Variants in UGT1A3 observed in about 807,000 individuals in gnomAD.
UGT1A3 encodes the protein UDP glucuronosyltransferase family 1 member A3.
UGT1A3 carries 31 observed loss-of-function variants against 41.0 expected under a neutral mutation model. The ratio of observed to expected loss-of-function variants is 0.76; its 90% CI spans 0.57 to 1.02. The LOEUF is 1.02. Ranked by LOEUF, UGT1A3 falls within the 50% of genes least tolerant of loss-of-function variation. The pLI is 0.00. For missense variants in UGT1A3, 737 were observed against 671.0 expected, an observed-to-expected ratio of 1.10 and a Z score of -1.09; for synonymous variants, 262 against 257.6, an observed-to-expected ratio of 1.02 and a Z score of -0.17.
chr2:233,735,701 C>T (rs2078683713), intron 1 of UGT1A3, among the ~76,000 whole-genome samples: 1 of 151,894 alleles, frequency 6.6e-6, no homozygotes, highest in South Asian at 2.1e-4. Flanking sequence ...GTAAGGCAGG[C>T]CTGGTGGTGA....
intron 1 of UGT1A3, among the ~76,000 whole-genome samples, chr2:233,737,428 G>A (rs188444988): frequency 6.6e-6 from 1 of 152,348 alleles, no homozygotes; most frequent in African/African-American, 2.4e-5. Context: ...CAGTATTTGG[G>A]TGGGAGTGTC....
At chr2:233,740,067 CCTCT>C (rs2125827081) in intron 1 of UGT1A3, among the ~76,000 whole-genome samples, 1 of 151,938 alleles carries the variant, frequency 6.6e-6, no homozygotes, top group South Asian at 2.1e-4. Flanking sequence ...ACAAGCTTTT[CCTCT>C]CTGTCTCTCG....
rs747062491 is a variant in UGT1A3 at position 233,767,878 on chromosome 2, A to T, written c.1029A>T (p.Pro343=). The change falls in exon 3 of 5, where the codon CCA becomes CCT. Residue 343 remains proline, a synonymous_variant. Coordinates refer to ENST00000482026, the MANE Select transcript of UGT1A3 (RefSeq NM_019093.4). ...TGTGGCGGTACACTGGAACCCGACC[A>T]TCGAATCTTGCGAACAACACGATAC... ...TVLWRYTGTR[P]SNLANNTILV... The T allele has an allele frequency of 2.0e-4, 328 of 1,614,032 alleles. No individual in the cohort carries two copies. Among genetic ancestry groups the T allele is most frequent in the Non-Finnish European group, 2.7e-4 (318 of 1,180,042 alleles).
chr2:233,736,836 A>T (rs1170480165), intron 1 of UGT1A3, among the ~76,000 whole-genome samples: 1 of 152,200 alleles, frequency 6.6e-6, no homozygotes, highest in Admixed American at 6.5e-5. Context: ...TTGCTTTGGT[A>T]TCACCAGTGG....
chr2:233,768,137 T>C (rs143830502), intron 3 of UGT1A3, 83 bp from the exon 4 acceptor site: 2 of 1,609,224 alleles, frequency 1.2e-6, no homozygotes, highest in East Asian at 4.5e-5. Context: ...ACTGAGTCTT[T>C]GGAGTGTTTT....
chr2:233,734,656 T>C (rs2078546605), intron 1 of UGT1A3, among the ~76,000 whole-genome samples: 1 of 152,258 alleles, frequency 6.6e-6, no homozygotes, highest in African/African-American at 2.4e-5. Flanking sequence ...GATTTAATGC[T>C]ATAAATTTCC....
At position 233,772,550 on chromosome 2, in the gene UGT1A3, G is replaced by A. The variant is rs762374323; in HGVS notation, c.1596G>A (p.Lys532=). The change falls in exon 5 of 5, where the codon AAG becomes AAA. Residue 532 remains lysine, a synonymous_variant. Transcript: ENST00000482026. ...GAGTTAAGAAAGCCCACAAATCCAA[G>A]ACCCATTGAGAAGTGGGTGGGAAAT... ...KGRVKKAHKS[K]TH 21 of 1,613,880 alleles carry A rather than the reference G, an allele frequency of 1.3e-5. No homozygotes were observed. The highest frequency in any genetic ancestry group is 1.5e-5 in the Non-Finnish European group (18 of 1,179,970).
At position 233,729,782 on chromosome 2, in the gene UGT1A3, C is replaced by A. The variant is rs764191993; in HGVS notation, c.656C>A (p.Ala219Asp). The A allele has an allele frequency of 6.2e-7, 1 of 1,613,938 alleles. No individual in the cohort carries two copies. The highest frequency in any genetic ancestry group is 1.1e-5 in the South Asian group (1 of 91,066). The stretch of plus-strand genomic sequence containing the variant: ...GTCAAGAACATGCTCTACCCTCTGG[C>A]CCTGTCCTACATTTGCCATGCTTTT... Reference protein sequence around the residue: ...QRVKNMLYPLALSYICHAFSA... With the variant: ...QRVKNMLYPLDLSYICHAFSA... Residue 219 changes from alanine to aspartate, a missense_variant, in exon 1 of 5, where the codon GCC becomes GAC. Physicochemically the swap from Ala to Asp is moderately radical, Grantham distance 126. Coordinates refer to ENST00000482026, the MANE Select transcript of UGT1A3 (RefSeq NM_019093.4).
intron 1 of UGT1A3, among the ~76,000 whole-genome samples, chr2:233,737,441 G>A (rs780915851): frequency 1.6e-4 from 24 of 152,174 alleles, no homozygotes; most frequent in Non-Finnish European, 2.1e-4. Flanking sequence ...GGAGTGTCCC[G>A]TTTTTCCAGG....
chr2:233,767,989 T>C lies in UGT1A3; in HGVS notation c.1087+53T>C, dbSNP rs1699539176. The C allele has an allele frequency of 3.1e-6, 5 of 1,614,076 alleles. No homozygotes were observed. In the Admixed American group the frequency reaches 5.0e-5, roughly 16 times the overall value. Reference sequence around the variant, plus strand: ...TCAAACCAGGGTCAAATTAAGAAAATGGCTTAAGCACAGCTATTCTAAAGG... The same window carrying C: ...TCAAACCAGGGTCAAATTAAGAAAACGGCTTAAGCACAGCTATTCTAAAGG... On this transcript the variant is annotated intron_variant, in intron 3 of 4. Coordinates refer to ENST00000482026, the MANE Select transcript of UGT1A3 (RefSeq NM_019093.4).
Position 233,757,136 on chromosome 2 carries a change from G to A in UGT1A3, c.868-9898G>A, listed in dbSNP as rs10929302. Among the ~76,000 whole-genome samples, 45,076 of 150,450 alleles carry A rather than the reference G, an allele frequency of 0.3. 6,849 individuals carry two copies. The highest frequency in any genetic ancestry group is 0.39 in the South Asian group (1,811 of 4,692). ...AGGGCTAGAGAGGAGGAATGAGCTT[G>A]GACAGGTGGGCTGGGGTCTATCCCA... On this transcript the variant is annotated intron_variant, in intron 1 of 4. Transcript: ENST00000482026.
rs1392909464 is a variant in UGT1A3 at position 233,754,916 on chromosome 2, C to T, written c.868-12118C>T. 5.9e-6 allele frequency: 8 copies of T among 1,353,400 alleles called. No homozygotes were observed. The Admixed American group carries it at 9.5e-5, about 16-fold the overall frequency. The allele number at this position is 1,353,400 out of a possible 1,614,324, so 83.8% of individuals were successfully genotyped here. On this transcript the variant is annotated intron_variant, in intron 1 of 4. Coordinates refer to ENST00000482026, the MANE Select transcript of UGT1A3 (RefSeq NM_019093.4). ...TCTGACCCCCCAAAATATTCTCCAG[C>T]GGGTTTCCCAAGAGGTCAAAGGAGA...
intron 3 of UGT1A3, 44 bp from the exon 4 acceptor site, chr2:233,768,176 C>A: frequency 6.2e-7 from 1 of 1,613,910 alleles, no homozygotes; most frequent in South Asian, 1.1e-5. Context: ...AGCTGTGAAA[C>A]TCAGAGATGT....
In UGT1A3 at chr2:233,760,686, C is replaced by G. The variant is rs1553620770; in HGVS notation, c.868-6348C>G. ...CTGGCTGTTCCCACTTACTGCACAACAAGGAGCTCATGGCCTCCCTGGCAG... is the reference window on the plus strand; with the variant it reads ...CTGGCTGTTCCCACTTACTGCACAAGAAGGAGCTCATGGCCTCCCTGGCAG... On this transcript the variant is annotated intron_variant, in intron 1 of 4. Transcript: ENST00000482026. 6 of 1,614,220 alleles carry G rather than the reference C, an allele frequency of 3.7e-6. No homozygotes were observed. The highest frequency in any genetic ancestry group is 4.5e-5 in the East Asian group (2 of 44,882).
At chr2:233,766,983 C>T (rs1040066735) in intron 1 of UGT1A3, 51 bp from the exon 2 acceptor site, 20 of 1,612,672 alleles carry the variant, frequency 1.2e-5, no homozygotes, top group Non-Finnish European at 1.7e-5. Flanking sequence ...TGTATGTAGT[C>T]ATCAAAGAAT....
At chr2:233,770,057 T>C (rs1700010876) in intron 4 of UGT1A3, 1 of 154,188 alleles carries the variant, frequency 6.5e-6, no homozygotes, top group Admixed American at 6.5e-5. Context: ...GCTCACATTA[T>C]GGATATAATT....
chr2:233,762,475 C>A (rs1173865347), intron 1 of UGT1A3, among the ~76,000 whole-genome samples: 1 of 152,106 alleles, frequency 6.6e-6, no homozygotes, highest in East Asian at 1.9e-4. Flanking sequence ...ATGGATATCA[C>A]TCCAGTTTTA....
chr2:233,732,917 C>T (rs958837276), intron 1 of UGT1A3, among the ~76,000 whole-genome samples: 38 of 152,062 alleles, frequency 2.5e-4, no homozygotes, highest in Non-Finnish European at 3.8e-4. Context: ...GCCATTTTCA[C>T]GATATTGATT....
chr2:233,755,611 T>C (rs1176906643), intron 1 of UGT1A3: 1 of 158,924 alleles, frequency 6.3e-6, no homozygotes, highest in African/African-American at 2.4e-5. Flanking sequence ...AGAACTGTTT[T>C]TCTTAAAGTA....
Sources: gnomAD v4.1 joint callset for allele counts (sites outside exome capture counted in the v4.1 genomes callset) on GRCh38, gnomAD v4.1.1 for gene constraint, MANE v1.5 for transcripts, NCBI Gene and HGNC (gene_info 2026-07-23, HGNC 2026-07-21) for gene names.